The following TMEM164 variants were observed in gnomAD, a reference collection of about 807,000 sequenced individuals.
TMEM164 encodes the protein RP13-360B22.2.
A neutral mutation model predicts 18.8 loss-of-function variants in TMEM164; 4 were observed. The ratio of observed to expected loss-of-function variants is 0.21; its 90% CI spans 0.10 to 0.49. The LOEUF (loss-of-function observed/expected upper bound fraction) is 0.49, where lower values mean the gene tolerates loss of function less well. Ranked by LOEUF, TMEM164 falls within the 20% of genes least tolerant of loss-of-function variation. The pLI is 0.98. For synonymous variants in TMEM164, 86 were observed against 101.7 expected, an observed-to-expected ratio of 0.85 and a Z score of 0.93; for missense variants, 108 against 239.9, an observed-to-expected ratio of 0.45 and a Z score of 3.63.
intron 3 of TMEM164, among the ~76,000 whole-genome samples, chrX:110,080,618 T>C (rs937023864): frequency 8.9e-6 from 1 of 112,582 alleles, no homozygotes. Flanking sequence ...TTAGGAATCT[T>C]GTGTAAATAT....
chrX:110,059,827 C>T (rs1936028085), intron 2 of TMEM164, among the ~76,000 whole-genome samples: 1 of 111,330 alleles, frequency 9.0e-6, no homozygotes, highest in African/African-American at 3.3e-5. Flanking sequence ...TCAGGGAAGC[C>T]AAAAGATTGG....
intron 2 of TMEM164, among the ~76,000 whole-genome samples, chrX:110,053,832 T>C (rs944622859): frequency 8.9e-6 from 1 of 111,995 alleles, no homozygotes; most frequent in African/African-American, 3.3e-5. Context: ...CTCCTGTGGC[T>C]CCCTGAAAGG....
chrX:110,102,356 A>AT (rs1265853650), intron 3 of TMEM164, among the ~76,000 whole-genome samples: 1 of 110,445 alleles, frequency 9.1e-6, no homozygotes, highest in Non-Finnish European at 1.9e-5. Context: ...TGTTAAAAAA[A>AT]TTTTTTTCCT....
At chrX:110,017,444 T>C (rs866282712) in intron 2 of TMEM164, among the ~76,000 whole-genome samples, 184 of 42,803 alleles carry the variant, frequency 4.3e-3, no homozygotes, top group Middle Eastern at 0.011. Flanking sequence ...CTTTCTTTCT[T>C]TCTCTCTCTC....
chrX:110,056,020 T>C (rs947919628), intron 2 of TMEM164, among the ~76,000 whole-genome samples: 1 of 111,927 alleles, frequency 8.9e-6, no homozygotes, highest in African/African-American at 3.2e-5. Context: ...AACAGCTTTA[T>C]TGGGTTATAA....
intron 5 of TMEM164, among the ~76,000 whole-genome samples, chrX:110,159,858 T>C (rs60999487): frequency 0.051 from 5,702 of 111,293 alleles, 370 homozygotes; most frequent in African/African-American, 0.18. Context: ...ACACCCTCAG[T>C]GGACAGCCAG....
intron 2 of TMEM164, among the ~76,000 whole-genome samples, chrX:110,023,270 C>T (rs1195812026): frequency 1.8e-5 from 2 of 111,552 alleles, no homozygotes; most frequent in Non-Finnish European, 3.8e-5. Context: ...CCTACTCCTC[C>T]TAAGGGTCTT....
chrX:110,058,832 T>C (rs1482083195), intron 2 of TMEM164, among the ~76,000 whole-genome samples: 1 of 107,060 alleles, frequency 9.3e-6, no homozygotes, highest in Non-Finnish European at 1.9e-5. Context: ...AGTTTTGCTG[T>C]GTGGGCCAGG....
chrX:110,019,607 G>A (rs1389952887), intron 2 of TMEM164, among the ~76,000 whole-genome samples: 3 of 110,944 alleles, frequency 2.7e-5, no homozygotes, highest in Non-Finnish European at 5.6e-5. Context: ...CTTCATCAGG[G>A]ATGGTAAACA....
intron 5 of TMEM164, 127 bp from the exon 6 acceptor site, chrX:110,171,293 T>C: frequency 2.0e-6 from 1 of 503,225 alleles, no homozygotes; most frequent in East Asian, 3.4e-5. Context: ...TCTTGAGTAG[T>C]TGCCAGTGAT....
At chrX:110,090,061 C>G (rs184648847) in intron 3 of TMEM164, among the ~76,000 whole-genome samples, 129 of 110,689 alleles carry the variant, frequency 1.2e-3, no homozygotes, top group Non-Finnish European at 1.1e-3. Context: ...GATAGGTAGC[C>G]TCTTTTACCA....
chrX:110,171,499 C>T lies in TMEM164; in HGVS notation c.666C>T (p.Ser222=), dbSNP rs1309299447. The part of the protein sequence containing the change: ...STGLMFFYHF[S]VLQILGLVTE... The stretch of plus-strand genomic sequence containing the variant: ...GCCTCATGTTCTTTTATCACTTCAG[C>T]GTCTTGCAGATCCTCGGCCTGGTAA... The change falls in exon 6 of 7, where the codon AGC becomes AGT. Residue 222 remains serine (S), a synonymous_variant. Coordinates refer to ENST00000372068, the MANE Select transcript of TMEM164 (RefSeq NM_032227.4). The T allele has an allele frequency of 1.3e-5, 16 of 1,209,575 alleles. No individual in the cohort carries two copies. The highest frequency in any genetic ancestry group is 3.5e-5 in the South Asian group (2 of 56,939).
rs879217834 is a variant in TMEM164 at position 110,109,249 on chromosome X, G to A, written c.507+103G>A. 27 of 784,042 alleles carry A rather than the reference G, an allele frequency of 3.4e-5. No homozygotes were observed. The South Asian group carries it at 4.8e-4, about 14-fold the overall frequency. 64.6% of individuals were successfully genotyped at this position (784,042 alleles called of 1,213,427 possible). ...ATACATATAGCTGGCCAGGCGCGGT[G>A]GCTCACACCTGTAATCCCAGCACTT... is the stretch of plus-strand genomic sequence containing the variant. On this transcript the variant is annotated intron_variant, in intron 4 of 6. Coordinates refer to ENST00000372068, the MANE Select transcript of TMEM164 (RefSeq NM_032227.4).
At chrX:110,146,224 G>A (rs536459785) in intron 5 of TMEM164, among the ~76,000 whole-genome samples, 9 of 111,972 alleles carry the variant, frequency 8.0e-5, no homozygotes, top group African/African-American at 2.6e-4. Flanking sequence ...GCTACTCATC[G>A]TTCCTGGCTT....
At chrX:110,014,904 G>C (rs1933251934) in intron 2 of TMEM164, among the ~76,000 whole-genome samples, 1 of 109,587 alleles carries the variant, frequency 9.1e-6, no homozygotes, top group Admixed American at 9.6e-5. Flanking sequence ...AAGTGAACAA[G>C]TATCTTAGCT....
chrX:110,017,405 C>CCTTTCTTTCTTT (rs1555984532), intron 2 of TMEM164, among the ~76,000 whole-genome samples: 157 of 15,282 alleles, frequency 0.01, 6 homozygotes, highest in African/African-American at 0.016. Flanking sequence ...CCACCTCCTT[C>CCTTTCTTTCTTT]CTTTCTTTCT....
At position 110,038,238 on chromosome X, in the gene TMEM164, G is replaced by A. The variant is rs75384150; in HGVS notation, c.391-29109G>A. Among the ~76,000 whole-genome samples, 54 of 110,768 alleles carry A rather than the reference G, an allele frequency of 4.9e-4. 1 individual carries two copies. The East Asian group carries it at 0.014, about 30-fold the overall frequency. On this transcript the variant is annotated intron_variant, in intron 2 of 6. Transcript: ENST00000372068. Reference sequence around the variant, plus strand: ...GATCTCCTGACCTCGTGATCCGCCCGCCTCGGCCTCCCAAAGTGCTGGGAT... The same window carrying A: ...GATCTCCTGACCTCGTGATCCGCCCACCTCGGCCTCCCAAAGTGCTGGGAT...
At chrX:110,036,736 T>C (rs905514314) in intron 2 of TMEM164, among the ~76,000 whole-genome samples, 2 of 112,125 alleles carry the variant, frequency 1.8e-5, no homozygotes, top group African/African-American at 3.2e-5. Flanking sequence ...CAAGTAGTGA[T>C]AAAAAACAAT....
At chrX:110,117,342 A>G (rs1363969161) in intron 4 of TMEM164, among the ~76,000 whole-genome samples, 1 of 112,804 alleles carries the variant, frequency 8.9e-6, no homozygotes, top group Non-Finnish European at 1.9e-5. Flanking sequence ...CAAATTTTAT[A>G]CAGTATCGAT....
Sources: allele counts gnomAD v4.1 joint callset (sites outside exome capture counted in the v4.1 genomes callset), GRCh38; gene constraint gnomAD v4.1.1; transcripts MANE v1.5; gene names NCBI Gene and HGNC (gene_info 2026-07-23, HGNC 2026-07-21).